Variants in TCF7L1 observed in about 807,000 individuals in gnomAD.
The protein encoded by TCF7L1 is transcription factor 7-like 1.
A neutral mutation model predicts 63.7 loss-of-function variants in TCF7L1; 18 were observed. The observed-to-expected ratio is 0.28, with a 90% confidence interval of 0.20 to 0.42. TCF7L1 has a LOEUF of 0.42. TCF7L1 is among the 10% of genes least tolerant of loss of function. TCF7L1 has a pLI of 1.00. For missense variants in TCF7L1, 654 were observed against 779.3 expected (o/e 0.84, Z 1.91); for synonymous variants, 355 against 340.9 (o/e 1.04, Z -0.46).
chr2:85,290,284 G>C (rs1456848698), intron 4 of TCF7L1, among the ~76,000 whole-genome samples: 1 of 152,094 alleles, frequency 6.6e-6, no homozygotes, highest in Non-Finnish European at 1.5e-5. Flanking sequence ...CCCGGCCCCA[G>C]TTTTTAAGCT....
intron 3 of TCF7L1, among the ~76,000 whole-genome samples, chr2:85,157,345 C>G (rs774117089): frequency 1.3e-5 from 2 of 152,130 alleles, no homozygotes; most frequent in Non-Finnish European, 2.9e-5. Flanking sequence ...TCTCTGTGTC[C>G]CAGAGGAATA....
At chr2:85,172,891 T>A (rs1244115319) in intron 3 of TCF7L1, among the ~76,000 whole-genome samples, 2 of 152,150 alleles carry the variant, frequency 1.3e-5, no homozygotes, top group Non-Finnish European at 2.9e-5. Context: ...TGGATTTATT[T>A]GAGTCCAGAG....
intron 3 of TCF7L1, among the ~76,000 whole-genome samples, chr2:85,244,594 G>T (rs1474011910): frequency 6.6e-6 from 1 of 152,190 alleles, no homozygotes; most frequent in Non-Finnish European, 1.5e-5. Flanking sequence ...TGTGGGAGGG[G>T]CAGGTTTGGG....
At chr2:85,169,030 C>G (rs925059662) in intron 3 of TCF7L1, among the ~76,000 whole-genome samples, 3 of 152,202 alleles carry the variant, frequency 2.0e-5, no homozygotes, top group African/African-American at 7.2e-5. Flanking sequence ...TTCAACTTCC[C>G]TTGCCCATTA....
At chr2:85,255,853 T>G (rs901820385) in intron 3 of TCF7L1, among the ~76,000 whole-genome samples, 1 of 152,146 alleles carries the variant, frequency 6.6e-6, no homozygotes, top group Non-Finnish European at 1.5e-5. Flanking sequence ...AGGAGTCCCT[T>G]GCACTGTTGG....
chr2:85,134,336 G>A lies in TCF7L1; in HGVS notation c.327G>A (p.Gln109=), dbSNP rs1166025400. The change falls in exon 3 of 12, where the codon CAG becomes CAA. Residue 109 remains glutamine, a synonymous_variant. Coordinates refer to ENST00000282111, the MANE Select transcript of TCF7L1 (RefSeq NM_031283.3). The surrounding 1 kb of genome is among the most constrained non-coding windows in gnomAD (Gnocchi z 5.0). ...RDYFAEVRRP[Q]DSAFFKGPPY... Reference sequence around the variant, plus strand: ...TCTTGTTCGCAGTGAGAAGGCCTCAGGACAGCGCGTTCTTTAAAGGACCCC... The same window carrying A: ...TCTTGTTCGCAGTGAGAAGGCCTCAAGACAGCGCGTTCTTTAAAGGACCCC... 5 of 1,584,956 alleles carry A rather than the reference G, an allele frequency of 3.2e-6. No individual in the cohort carries two copies. The Admixed American group carries it at 5.3e-5, about 17-fold the overall frequency.
At chr2:85,138,083 C>T (rs192712319) in intron 3 of TCF7L1, among the ~76,000 whole-genome samples, 3 of 152,184 alleles carry the variant, frequency 2.0e-5, no homozygotes, top group Admixed American at 6.6e-5. Flanking sequence ...TGGAAAGAAA[C>T]ACTTCTAGGT....
intron 3 of TCF7L1, among the ~76,000 whole-genome samples, chr2:85,281,378 G>C (rs1256565181): frequency 6.6e-6 from 1 of 152,176 alleles, no homozygotes; most frequent in African/African-American, 2.4e-5. Context: ...CAGGGTTGAT[G>C]TGCAGATTAC....
chr2:85,226,852 C>T (rs1470873989), intron 3 of TCF7L1, among the ~76,000 whole-genome samples: 2 of 146,236 alleles, frequency 1.4e-5, no homozygotes, highest in Non-Finnish European at 3.0e-5. Flanking sequence ...CAGTGCACCA[C>T]TTTCTCCATG....
At chr2:85,224,267 A>G (rs1679909203) in intron 3 of TCF7L1, among the ~76,000 whole-genome samples, 1 of 152,156 alleles carries the variant, frequency 6.6e-6, no homozygotes, top group South Asian at 2.1e-4. Flanking sequence ...ATATGTCTTT[A>G]TAGTAGCATG....
In TCF7L1 at chr2:85,306,846, A is replaced by G. The variant is rs930662543; in HGVS notation, c.1257+287A>G. On this transcript the variant is annotated intron_variant, in intron 10 of 11. Transcript: ENST00000282111. This position sits in a 1 kb window ranked among gnomAD's most constrained non-coding sequence, Gnocchi z 4.3. The stretch of plus-strand genomic sequence containing the variant: ...CACCCGGCTAATTTTTTGTATTTTT[A>G]GTAGAGACGGGGTTTCACTGTGTTA... Among the ~76,000 whole-genome samples, 7 of 151,960 alleles carry G rather than the reference A, an allele frequency of 4.6e-5. No homozygotes were observed. The highest frequency in any genetic ancestry group is 4.6e-4 in the Admixed American group (7 of 15,252).
At chr2:85,209,288 C>G (rs1038617211) in intron 3 of TCF7L1, among the ~76,000 whole-genome samples, 1 of 152,214 alleles carries the variant, frequency 6.6e-6, no homozygotes, top group African/African-American at 2.4e-5. Context: ...GTTCACCTTC[C>G]TTTGCCTGCA....
At chr2:85,199,760 T>C (rs779438866) in intron 3 of TCF7L1, among the ~76,000 whole-genome samples, 1 of 152,218 alleles carries the variant, frequency 6.6e-6, no homozygotes, top group African/African-American at 2.4e-5. Flanking sequence ...AAAATATATC[T>C]TATTTATTTA....
At position 85,133,711 on chromosome 2, in the gene TCF7L1, C is replaced by T. The variant is rs1271492120; in HGVS notation, c.27C>T (p.Gly9=). The T allele has an allele frequency of 9.4e-6, 10 of 1,059,680 alleles. No homozygotes were observed. Among genetic ancestry groups the T allele is most frequent in the Non-Finnish European group, 1.1e-5 (10 of 869,936 alleles). The allele number at this position is 1,059,680 out of a possible 1,614,324, so 65.6% of individuals were successfully genotyped here. MPQLGGGG[G]GGGGGSGGGG... is the part of the protein sequence containing the mutation. ...TGCCCCAGCTCGGCGGCGGGGGCGGCGGCGGCGGCGGCGGCAGCGGGGGAG... is the reference window on the plus strand; with the variant it reads ...TGCCCCAGCTCGGCGGCGGGGGCGGTGGCGGCGGCGGCGGCAGCGGGGGAG... Residue 9 remains glycine, a synonymous_variant, in exon 1 of 12, where the codon GGC becomes GGT. Transcript: ENST00000282111. This position sits in a 1 kb window ranked among gnomAD's most constrained non-coding sequence, Gnocchi z 4.4.
intron 3 of TCF7L1, among the ~76,000 whole-genome samples, chr2:85,209,737 C>T (rs961380458): frequency 6.6e-6 from 1 of 152,156 alleles, no homozygotes; most frequent in African/African-American, 2.4e-5. Context: ...CAGGCACATA[C>T]ACCCAGGCAA....
intron 3 of TCF7L1, among the ~76,000 whole-genome samples, chr2:85,155,256 A>G (rs1678117467): frequency 6.6e-6 from 1 of 152,208 alleles, no homozygotes; most frequent in Non-Finnish European, 1.5e-5. Flanking sequence ...AAATGGACCA[A>G]TCAGCACTCT....
intron 3 of TCF7L1, among the ~76,000 whole-genome samples, chr2:85,181,914 CT>C (rs1248365793): frequency 6.6e-6 from 1 of 152,148 alleles, no homozygotes; most frequent in African/African-American, 2.4e-5. Context: ...AATGCAGCCC[CT>C]GCCACAGGAT....
chr2:85,219,642 G>A (rs552728293), intron 3 of TCF7L1, among the ~76,000 whole-genome samples: 1 of 152,264 alleles, frequency 6.6e-6, no homozygotes, highest in South Asian at 2.1e-4. Context: ...CACTTTGGGA[G>A]GCCGAGGCAG....
At chr2:85,228,816 C>A (rs576755858) in intron 3 of TCF7L1, among the ~76,000 whole-genome samples, 153 of 149,006 alleles carry the variant, frequency 1.0e-3, no homozygotes, top group African/African-American at 3.6e-3. Context: ...GAGATTGAGA[C>A]CATCCCGGCT....
Sources: allele counts gnomAD v4.1 joint callset (sites outside exome capture counted in the v4.1 genomes callset), GRCh38; gene constraint gnomAD v4.1.1; non-coding constraint Gnocchi (gnomAD v3.1); transcripts MANE v1.5; gene names NCBI Gene and HGNC (gene_info 2026-07-23, HGNC 2026-07-21).